SRGAP2B: variants seen among roughly 807,000 people sequenced by gnomAD.
The protein encoded by SRGAP2B is SLIT-ROBO Rho GTPase-activating protein 2B.
SRGAP2B carries 9 observed loss-of-function variants against 22.2 expected under a neutral mutation model. That is an observed-to-expected ratio of 0.41 (90% CI 0.24 to 0.71). The LOEUF (loss-of-function observed/expected upper bound fraction) is 0.71, where lower values mean the gene tolerates loss of function less well. Ranked by LOEUF, SRGAP2B falls within the 30% of genes least tolerant of loss-of-function variation. The pLI, the probability that SRGAP2B is intolerant of heterozygous loss-of-function variation, is 0.35. For missense variants in SRGAP2B, 114 were observed against 235.8 expected (o/e 0.48, Z 3.38); for synonymous variants, 36 against 87.4 (o/e 0.41, Z 3.28).
chr1:145,021,711 G>A (rs1553624140), intron 2 of SRGAP2B, among the ~76,000 whole-genome samples: 1 of 149,378 alleles, frequency 6.7e-6, no homozygotes, highest in Non-Finnish European at 1.5e-5. Context: ...CTACTCAGGA[G>A]GCTGACGCAG....
At chr1:144,944,913 C>T (rs1359296227) in intron 4 of SRGAP2B, among the ~76,000 whole-genome samples, 1 of 149,000 alleles carries the variant, frequency 6.7e-6, no homozygotes, top group Non-Finnish European at 1.5e-5. Context: ...GCATGTACCA[C>T]CATGCCCAGC....
intron 3 of SRGAP2B, among the ~76,000 whole-genome samples, chr1:144,986,915 C>G (rs1558804307): frequency 6.6e-6 from 1 of 151,106 alleles, no homozygotes; most frequent in Non-Finnish European, 1.5e-5. Context: ...TTTGTTCTCA[C>G]TTCTGTTAGC....
At chr1:144,905,352 G>T (rs1662908223) in intron 6 of SRGAP2B, 133 bp from the exon 7 acceptor site, 1 of 598,868 alleles carries the variant, frequency 1.7e-6, no homozygotes, top group Non-Finnish European at 3.0e-6. Flanking sequence ...CTTAAATTGG[G>T]TTCTAATTCT....
At chr1:144,988,997 C>G (rs2319647) in intron 3 of SRGAP2B, among the ~76,000 whole-genome samples, 16 of 115,512 alleles carry the variant, frequency 1.4e-4, no homozygotes, top group Non-Finnish European at 2.2e-4. Context: ...CCACTCCCCC[C>G]ACTTTTTTTT....
intron 2 of SRGAP2B, among the ~76,000 whole-genome samples, chr1:145,017,090 G>A (rs1172146608): frequency 2.1e-5 from 3 of 139,970 alleles, no homozygotes. Flanking sequence ...CTCTGGAGTA[G>A]CTAGGATTAT....
intron 2 of SRGAP2B, among the ~76,000 whole-genome samples, chr1:145,002,505 C>T (rs1398470876): frequency 1.1e-5 from 1 of 90,996 alleles, no homozygotes; most frequent in East Asian, 3.1e-4. Context: ...TGCTTGAAGC[C>T]GGAAGTTTGA....
Position 144,909,586 on chromosome 1 carries a change from C to CA in SRGAP2B, c.487-3513dup, listed in dbSNP as rs1298848761. On this transcript the variant is annotated intron_variant, in intron 5 of 9. Coordinates refer to ENST00000612199, the Ensembl canonical transcript of SRGAP2B. ...TGGGCAACAGAGCGAGACTCCATCTCAAAAAAAAAAAAAAGGAAGTCTGAG... is the reference window on the plus strand; with the variant it reads ...TGGGCAACAGAGCGAGACTCCATCTCAAAAAAAAAAAAAAAGGAAGTCTGAG... Among the ~76,000 whole-genome samples, 527 of 131,068 alleles carry CA rather than the reference C, an allele frequency of 4.0e-3. 3 individuals are homozygous for CA. Among genetic ancestry groups the CA allele is most frequent in the African/African-American group, 4.9e-3 (162 of 32,840 alleles). 86.0% of individuals were successfully genotyped at this position (131,068 alleles called of 152,430 possible). A position where few individuals can be genotyped will look rare whatever the true frequency, so the allele number is the denominator to read the frequency against.
chr1:145,081,060 G>C (rs1423248797), intron 2 of SRGAP2B, among the ~76,000 whole-genome samples: 1 of 147,478 alleles, frequency 6.8e-6, no homozygotes, highest in Non-Finnish European at 1.5e-5. Context: ...AATCAACTGA[G>C]TGTGTACAGC....
At chr1:145,068,320 C>A (rs1454690034) in intron 2 of SRGAP2B, among the ~76,000 whole-genome samples, 3 of 143,328 alleles carry the variant, frequency 2.1e-5, no homozygotes, top group Non-Finnish European at 4.5e-5. Flanking sequence ...AGTAGGCATA[C>A]ATAATCATGT....
At chr1:144,913,036 A>G (rs1663531482) in intron 5 of SRGAP2B, among the ~76,000 whole-genome samples, 1 of 140,132 alleles carries the variant, frequency 7.1e-6, no homozygotes, top group African/African-American at 2.8e-5. Context: ...TGCAGACCAG[A>G]GAAATAAGTT....
chr1:144,931,563 AAGC>A lies in SRGAP2B; in HGVS notation c.424-16812_424-16810del, dbSNP rs1424725317. On this transcript the variant is annotated intron_variant, in intron 4 of 9. Transcript: ENST00000612199. ...CCATCTGTTAAAAAGAGAATCATAT[AAGC>A]AGAACTATAAAAATAAGCTGCTAGA... Among the ~76,000 whole-genome samples, 23 of 151,054 alleles carry A rather than the reference AAGC, an allele frequency of 1.5e-4. 1 individual carries two copies. The East Asian group carries it at 4.3e-3, about 28-fold the overall frequency.
intron 4 of SRGAP2B, among the ~76,000 whole-genome samples, chr1:144,954,418 C>G: frequency 6.6e-6 from 1 of 151,844 alleles, no homozygotes; most frequent in African/African-American, 2.4e-5. Flanking sequence ...TTCTCTCATA[C>G]TTTCAAATTT....
chr1:144,934,403 C>CAAAAAAAAAAAAAAAA (rs782588401), intron 4 of SRGAP2B, among the ~76,000 whole-genome samples: 1 of 40,682 alleles, frequency 2.5e-5, no homozygotes, highest in African/African-American at 1.1e-4. Context: ...AACTCCATCT[C>CAAAAAAAAAAAAAAAA]AAAAAAAAAA....
chr1:145,019,424 G>A, intron 2 of SRGAP2B, among the ~76,000 whole-genome samples: 1 of 75,864 alleles, frequency 1.3e-5, no homozygotes, highest in East Asian at 3.6e-4. Context: ...AACATGTTCA[G>A]AAATTAACTA....
intron 2 of SRGAP2B, among the ~76,000 whole-genome samples, chr1:145,009,601 AC>A (rs1553621903): frequency 1.3e-5 from 2 of 149,988 alleles, no homozygotes; most frequent in African/African-American, 5.0e-5. Flanking sequence ...AAAAAAAAAA[AC>A]AAAATTGGCC....
Position 144,924,731 on chromosome 1 carries a change from CA to C in SRGAP2B, c.424-9978del, listed in dbSNP as rs1156257790. Among the ~76,000 whole-genome samples the C allele has an allele frequency of 2.3e-3, 132 of 58,200 alleles. 1 individual carries two copies. The highest frequency in any genetic ancestry group is 0.013 in the East Asian group (27 of 2,112). 38.2% of individuals were successfully genotyped at this position (58,200 alleles called of 152,430 possible). On this transcript the variant is annotated intron_variant, in intron 4 of 9. Coordinates refer to ENST00000612199, the Ensembl canonical transcript of SRGAP2B. Reference sequence around the variant, plus strand: ...TCGGTGACAGAGCGAAACTCCGTCTCAAAAAAAAAAAAAAAAAAAAGAATGT... The same window carrying C: ...TCGGTGACAGAGCGAAACTCCGTCTCAAAAAAAAAAAAAAAAAAAGAATGT...
intron 5 of SRGAP2B, among the ~76,000 whole-genome samples, chr1:144,912,051 A>C (rs1553349941): frequency 2.3e-5 from 3 of 131,130 alleles, no homozygotes; most frequent in Non-Finnish European, 3.3e-5. Context: ...CCCAGGTTCA[A>C]GCCATTCTCC....
chr1:144,994,860 T>C, intron 3 of SRGAP2B, 148 bp downstream of exon 3: 1 of 587,604 alleles, frequency 1.7e-6, no homozygotes, highest in Non-Finnish European at 2.9e-6. Flanking sequence ...AAGACTGATC[T>C]GGAAAATGAG....
At position 145,036,234 on chromosome 1, in the gene SRGAP2B, AGT is replaced by A. The variant is rs199492512; in HGVS notation, c.68-41036_68-41035del. Among the ~76,000 whole-genome samples the A allele has an allele frequency of 6.9e-3, 897 of 129,334 alleles. 11 individuals carry two copies. Among genetic ancestry groups the A allele is most frequent in the Non-Finnish European group, 0.01 (651 of 62,278 alleles). 84.8% of individuals were successfully genotyped at this position (129,334 alleles called of 152,430 possible). On this transcript the variant is annotated intron_variant, in intron 2 of 9. Coordinates refer to ENST00000612199, the Ensembl canonical transcript of SRGAP2B. ...TAATCTCCACCAGTCAGTCTCTTACAGTGAGATAACCTCCAGTCACAACTCTC... is the reference window on the plus strand; with the variant it reads ...TAATCTCCACCAGTCAGTCTCTTACAGAGATAACCTCCAGTCACAACTCTC...
Sources: gnomAD v4.1 joint callset for allele counts (sites outside exome capture counted in the v4.1 genomes callset) on GRCh38, gnomAD v4.1.1 for gene constraint, MANE v1.5 for transcripts, NCBI Gene and HGNC (gene_info 2026-07-23, HGNC 2026-07-21) for gene names.